The following UBR3 variants were observed in gnomAD, a reference collection of about 807,000 sequenced individuals.
UBR3 encodes E3 ubiquitin-protein ligase UBR3.
Under a neutral mutation model 243.2 loss-of-function variants are expected in UBR3, and 85 were observed. The observed-to-expected ratio is 0.35, with a 90% CI of 0.29 to 0.42. The LOEUF is 0.42. UBR3 is among the 10% of genes least tolerant of loss of function. The pLI is 1.00. For synonymous variants in UBR3, 748 were observed against 799.8 expected (o/e 0.94, Z 1.09); for missense variants, 1,686 against 2,300.8 (o/e 0.73, Z 5.47).
At chr2:169,835,156 T>A (rs1357397616) in intron 1 of UBR3, among the ~76,000 whole-genome samples, 1 of 152,150 alleles carries the variant, frequency 6.6e-6, no homozygotes, top group Non-Finnish European at 1.5e-5. Flanking sequence ...ACACTTAAGA[T>A]GTTTTAAATG....
chr2:169,899,123 C>T (rs949001745), intron 8 of UBR3, among the ~76,000 whole-genome samples: 7 of 152,012 alleles, frequency 4.6e-5, no homozygotes, highest in Admixed American at 2.0e-4. Context: ...GGACTACAGG[C>T]GCCCGCCACC....
intron 26 of UBR3, among the ~76,000 whole-genome samples, chr2:169,997,274 G>A (rs7584479): frequency 0.2 from 31,092 of 152,036 alleles, 3,553 homozygotes; most frequent in East Asian, 0.37. Flanking sequence ...TGGCTGGCAG[G>A]CTGCGCTCAA....
chr2:169,921,563 T>C (rs2085698249), intron 11 of UBR3, among the ~76,000 whole-genome samples: 1 of 152,208 alleles, frequency 6.6e-6, no homozygotes, highest in Admixed American at 6.5e-5. Context: ...TAGCAATATG[T>C]ACTGGGTACT....
chr2:169,918,814 T>C (rs553983512), intron 11 of UBR3, among the ~76,000 whole-genome samples: 40 of 152,178 alleles, frequency 2.6e-4, no homozygotes, highest in Non-Finnish European at 5.4e-4. Flanking sequence ...AGAACGTGCA[T>C]TCATCCAGCA....
chr2:169,976,266 T>C (rs938967998), intron 24 of UBR3, among the ~76,000 whole-genome samples: 1 of 152,144 alleles, frequency 6.6e-6, no homozygotes, highest in Non-Finnish European at 1.5e-5. Flanking sequence ...TCTTATTGTT[T>C]ATCATTGTGT....
At chr2:170,024,900 A>G (rs531670310) in intron 30 of UBR3, among the ~76,000 whole-genome samples, 18 of 152,298 alleles carry the variant, frequency 1.2e-4, no homozygotes, top group African/African-American at 4.1e-4. Context: ...GGGAACCAGC[A>G]TGGGAAGAAG....
chr2:169,874,581 A>G lies in UBR3; in HGVS notation c.686-1210A>G, dbSNP rs566649753. Among the ~76,000 whole-genome samples the G allele has an allele frequency of 7.2e-5, 11 of 152,306 alleles. No homozygotes were observed. In the South Asian group the frequency reaches 1.0e-3, roughly 14 times the overall value. ...AACTCAGAGATCTTGTGGTTTCCCA[A>G]TTTCTTTCAATTCTGTTTCTCATTC... On this transcript the variant is annotated intron_variant, in intron 2 of 38. Coordinates refer to ENST00000272793, the MANE Select transcript of UBR3 (RefSeq NM_172070.4).
At chr2:169,849,591 G>A (rs1043783109) in intron 1 of UBR3, among the ~76,000 whole-genome samples, 8 of 152,194 alleles carry the variant, frequency 5.3e-5, no homozygotes, top group South Asian at 2.1e-4. Context: ...CACGGTGCCC[G>A]GCCTGATTTT....
intron 32 of UBR3, among the ~76,000 whole-genome samples, chr2:170,045,403 T>C (rs189384405): frequency 3.0e-4 from 45 of 152,020 alleles, no homozygotes; most frequent in Middle Eastern, 6.8e-3. Context: ...TCAGGGAGGG[T>C]CAGTTACCCA....
chr2:169,851,828 C>T (rs537168597), intron 1 of UBR3, among the ~76,000 whole-genome samples: 1 of 145,288 alleles, frequency 6.9e-6, no homozygotes, highest in South Asian at 2.2e-4. Flanking sequence ...CAGAGCAAGG[C>T]TCCGTCTCAA....
intron 2 of UBR3, among the ~76,000 whole-genome samples, chr2:169,874,128 ACTT>A (rs1315268240): frequency 6.6e-6 from 1 of 151,570 alleles, no homozygotes; most frequent in Non-Finnish European, 1.5e-5. Context: ...TTATATTACT[ACTT>A]CTGTTCAGCA....
intron 1 of UBR3, among the ~76,000 whole-genome samples, chr2:169,843,890 T>C (rs1230889068): frequency 6.6e-6 from 1 of 152,242 alleles, no homozygotes; most frequent in African/African-American, 2.4e-5. Context: ...AATATCTTGA[T>C]AGAGTTTGTC....
chr2:170,041,875 G>A lies in UBR3; in HGVS notation c.4660+890G>A, dbSNP rs574357415. ...TATTTCATGCAAATTATGACATTCTGTAAAAAGTAAAACAATATCATTGAT... is the reference window on the plus strand; with the variant it reads ...TATTTCATGCAAATTATGACATTCTATAAAAAGTAAAACAATATCATTGAT... On this transcript the variant is annotated intron_variant, in intron 32 of 38. Coordinates refer to ENST00000272793, the MANE Select transcript of UBR3 (RefSeq NM_172070.4). Among the ~76,000 whole-genome samples, 11 of 152,294 alleles carry A rather than the reference G, an allele frequency of 7.2e-5. No homozygotes were observed. The East Asian group carries it at 1.9e-3, about 27-fold the overall frequency.
rs143924085 is a variant in UBR3 at position 170,001,150 on chromosome 2, A to G, written c.3919-154A>G. Among the ~76,000 whole-genome samples the G allele has an allele frequency of 3.5e-3, 534 of 152,364 alleles. 2 individuals carry two copies. The highest frequency in any genetic ancestry group is 0.012 in the African/African-American group (497 of 41,588). ...ATTTTAAAGATAGTGCCTGAAGACT[A>G]TCTAGTCAGGCATTAATTGATATCA... On this transcript the variant is annotated intron_variant, in intron 26 of 38. Transcript: ENST00000272793.
At chr2:169,983,119 G>A (rs1430189868) in intron 24 of UBR3, among the ~76,000 whole-genome samples, 2 of 151,894 alleles carry the variant, frequency 1.3e-5, no homozygotes, top group African/African-American at 4.8e-5. Flanking sequence ...GCAAGGTGGA[G>A]TTGAGAGTGA....
chr2:170,044,032 C>T (rs193039694), intron 32 of UBR3, among the ~76,000 whole-genome samples: 164 of 152,088 alleles, frequency 1.1e-3, no homozygotes, highest in Non-Finnish European at 1.7e-3. Context: ...CTAGGAAGTT[C>T]AGAGCTTAAT....
chr2:170,041,879 A>G (rs2090975734), intron 32 of UBR3, among the ~76,000 whole-genome samples: 1 of 152,364 alleles, frequency 6.6e-6, no homozygotes, highest in South Asian at 2.1e-4. Context: ...CATTCTGTAA[A>G]AAGTAAAACA....
intron 36 of UBR3, chr2:170,077,331 C>G: frequency 1.2e-6 from 1 of 837,758 alleles, no homozygotes; most frequent in Non-Finnish European, 2.1e-6. Context: ...AGGCCCAACT[C>G]ACATTCACCT....
chr2:169,890,479 T>C (rs894763566), intron 5 of UBR3, among the ~76,000 whole-genome samples: 6 of 147,998 alleles, frequency 4.1e-5, no homozygotes, highest in Non-Finnish European at 7.4e-5. Flanking sequence ...CCCTTACCCT[T>C]TTTTTTCCCC....
Sources: gnomAD v4.1 joint callset for allele counts (sites outside exome capture counted in the v4.1 genomes callset) on GRCh38, gnomAD v4.1.1 for gene constraint, MANE v1.5 for transcripts, NCBI Gene and HGNC (gene_info 2026-07-23, HGNC 2026-07-21) for gene names.